Variants in ITGA9 observed in about 807,000 individuals in gnomAD.
The protein encoded by ITGA9 is integrin subunit alpha 9.
Under a neutral mutation model 127.8 loss-of-function variants are expected in ITGA9, and 56 were observed. That is an observed-to-expected ratio of 0.44 (90% CI 0.35 to 0.55). The LOEUF (loss-of-function observed/expected upper bound fraction) is 0.55, where lower values mean the gene tolerates loss of function less well. Among genes scored for constraint, ITGA9 ranks in the 20% least tolerant of loss-of-function variants. The pLI, the probability that ITGA9 is intolerant of heterozygous loss-of-function variation, is 0.00. For missense variants in ITGA9, 1,196 were observed against 1,347.1 expected (o/e 0.89, Z 1.76); for synonymous variants, 508 against 514.5 (o/e 0.99, Z 0.17).
chr3:37,607,044 G>A (rs1699975878), intron 15 of ITGA9, among the ~76,000 whole-genome samples: 1 of 147,090 alleles, frequency 6.8e-6, no homozygotes, highest in African/African-American at 2.5e-5. Flanking sequence ...GTGCAATAGA[G>A]TGATCATAGT....
chr3:37,662,791 AG>A (rs1290508684), intron 17 of ITGA9, among the ~76,000 whole-genome samples: 4 of 152,206 alleles, frequency 2.6e-5, no homozygotes, highest in Non-Finnish European at 4.4e-5. Flanking sequence ...GTCGAAGCAA[AG>A]GGGTCACAGA....
At chr3:37,621,865 T>G (rs1303780640) in intron 15 of ITGA9, among the ~76,000 whole-genome samples, 1 of 152,228 alleles carries the variant, frequency 6.6e-6, no homozygotes, top group Non-Finnish European at 1.5e-5. Context: ...TGAGAAATTT[T>G]CAGAAACAAG....
chr3:37,585,539 G>C, intron 15 of ITGA9: 1 of 492,910 alleles, frequency 2.0e-6, no homozygotes, highest in Non-Finnish European at 4.1e-6. Flanking sequence ...GGGACAATTA[G>C]GGAGGGATTC....
At chr3:37,572,529 T>G (rs1699611824) in intron 15 of ITGA9, among the ~76,000 whole-genome samples, 1 of 152,190 alleles carries the variant, frequency 6.6e-6, no homozygotes, top group Non-Finnish European at 1.5e-5. Flanking sequence ...TACAACTTAT[T>G]TAGTAGGATT....
chr3:37,762,935 C>G (rs535753367), intron 23 of ITGA9, among the ~76,000 whole-genome samples: 44 of 152,290 alleles, frequency 2.9e-4, no homozygotes, highest in African/African-American at 1.0e-3. Flanking sequence ...TTAAGAAGCC[C>G]TGGTCTAAAG....
intron 27 of ITGA9, among the ~76,000 whole-genome samples, chr3:37,812,648 T>C (rs1412855199): frequency 6.6e-6 from 1 of 152,258 alleles, no homozygotes; most frequent in Non-Finnish European, 1.5e-5. Context: ...TCTTTGGAGC[T>C]GCAGGACCAG....
chr3:37,467,603 T>G (rs1026562902), intron 1 of ITGA9, among the ~76,000 whole-genome samples: 1 of 152,244 alleles, frequency 6.6e-6, no homozygotes, highest in African/African-American at 2.4e-5. Flanking sequence ...TGTTGTTTCT[T>G]GCAGCCTTTT....
chr3:37,772,440 G>A (rs2125547846), intron 23 of ITGA9, among the ~76,000 whole-genome samples: 1 of 152,096 alleles, frequency 6.6e-6, no homozygotes, highest in South Asian at 2.1e-4. Context: ...GACAGTAATA[G>A]CACCTGCTTC....
Position 37,725,476 on chromosome 3 carries a change from G to A in ITGA9, c.2068-7236G>A, listed in dbSNP as rs150768637. Among the ~76,000 whole-genome samples, 331 of 152,310 alleles carry A rather than the reference G, an allele frequency of 2.2e-3. 1 individual carries two copies. The highest frequency in any genetic ancestry group is 7.7e-3 in the African/African-American group (318 of 41,564). ...CCATGTCATGTTCTGTAGGGAGATA[G>A]GCAGGGGAGTTGGGTCAGGAGAAGG... On this transcript the variant is annotated intron_variant, in intron 18 of 27. Transcript: ENST00000264741.
At chr3:37,582,207 A>G (rs534556038) in intron 15 of ITGA9, among the ~76,000 whole-genome samples, 1 of 152,366 alleles carries the variant, frequency 6.6e-6, no homozygotes, top group East Asian at 1.9e-4. Context: ...GAGCCTAGAT[A>G]AAAGTGTTTG....
intron 6 of ITGA9, among the ~76,000 whole-genome samples, chr3:37,503,598 A>G (rs1448983374): frequency 6.6e-6 from 1 of 152,206 alleles, no homozygotes. Context: ...CAATTGTTGA[A>G]GTTCAGATGG....
chr3:37,666,606 G>A, intron 17 of ITGA9, among the ~76,000 whole-genome samples: 1 of 152,216 alleles, frequency 6.6e-6, no homozygotes, highest in South Asian at 2.1e-4. Context: ...CTCTTACAGT[G>A]TGGCCAGGGC....
At chr3:37,760,849 A>G (rs1696715454) in intron 23 of ITGA9, among the ~76,000 whole-genome samples, 1 of 152,230 alleles carries the variant, frequency 6.6e-6, no homozygotes, top group Admixed American at 6.5e-5. Context: ...TGTGATCAAA[A>G]TACATCATAA....
intron 27 of ITGA9, among the ~76,000 whole-genome samples, chr3:37,815,336 C>T (rs1021263276): frequency 4.6e-5 from 7 of 152,324 alleles, no homozygotes; most frequent in Non-Finnish European, 8.8e-5. Context: ...AGGCCGGGCG[C>T]GGTGGCTCAC....
At chr3:37,641,438 G>T (rs929812672) in intron 16 of ITGA9, among the ~76,000 whole-genome samples, 1 of 152,126 alleles carries the variant, frequency 6.6e-6, no homozygotes, top group Admixed American at 6.6e-5. Flanking sequence ...TGGCCCTCAC[G>T]TGTCAGGCCC....
At chr3:37,796,471 A>G (rs956363934) in intron 26 of ITGA9, among the ~76,000 whole-genome samples, 2 of 130,460 alleles carry the variant, frequency 1.5e-5, no homozygotes, top group East Asian at 4.0e-4. Flanking sequence ...GGTTGGTTGG[A>G]TGGATGGATG....
chr3:37,540,744 CT>C (rs1210713532), intron 14 of ITGA9, among the ~76,000 whole-genome samples: 1 of 152,176 alleles, frequency 6.6e-6, no homozygotes, highest in Non-Finnish European at 1.5e-5. Flanking sequence ...CCTTTTCTTG[CT>C]ATTGTCCCCA....
intron 17 of ITGA9, among the ~76,000 whole-genome samples, chr3:37,675,565 C>T (rs115653151): frequency 1.3e-5 from 2 of 152,222 alleles, no homozygotes; most frequent in South Asian, 2.1e-4. Context: ...ATGAATGAGG[C>T]TCATTTGCAC....
chr3:37,491,654 T>G (rs2125564104), intron 4 of ITGA9, among the ~76,000 whole-genome samples: 1 of 152,324 alleles, frequency 6.6e-6, no homozygotes, highest in African/African-American at 2.4e-5. Flanking sequence ...GGGCAGCCCC[T>G]TGCCTCTCTC....
Sources: allele counts gnomAD v4.1 joint callset (sites outside exome capture counted in the v4.1 genomes callset), GRCh38; gene constraint gnomAD v4.1.1; transcripts MANE v1.5; gene names NCBI Gene and HGNC (gene_info 2026-07-23, HGNC 2026-07-21).